Variants in MYADML2 observed in about 807,000 individuals in gnomAD.
MYADML2 encodes the protein myeloid-associated differentiation marker-like protein 2.
In MYADML2, 17 loss-of-function variants were observed where a neutral mutation model predicts 16.0. That is an observed-to-expected ratio of 1.06 (90% confidence interval 0.73 to 1.60). MYADML2 has a LOEUF of 1.60. Ranked by LOEUF, MYADML2 falls within the 40% of genes most tolerant of loss-of-function variation. The pLI, the probability that MYADML2 is intolerant of heterozygous loss-of-function variation, is 0.00. For synonymous variants in MYADML2, 210 were observed against 208.1 expected (o/e 1.01, Z -0.08); for missense variants, 422 against 437.7 (o/e 0.96, Z 0.32).
At chr17:81,941,912 C>A in intron 2 of MYADML2, 69 bp from the exon 3 acceptor site, 1 of 621,226 alleles carries the variant, frequency 1.6e-6, no homozygotes, top group Non-Finnish European at 2.7e-6. Context: ...GAGGCGGCTC[C>A]CCCCAGCGCT....
At position 81,941,760 on chromosome 17, in the gene MYADML2, A is replaced by G; in HGVS notation, c.-19T>C. 3 of 1,486,822 alleles carry G rather than the reference A, an allele frequency of 2.0e-6. No individual in the cohort carries two copies. In the East Asian group the frequency reaches 7.5e-5, roughly 37 times the overall value. 92.1% of individuals were successfully genotyped at this position (1,486,822 alleles called of 1,614,324 possible). ...TGCCCATCTGGCCAGCCACGTTTCC[A>G]GCTCACACAGTCCCCCAAGGCCCTG... On this transcript the variant is annotated 5_prime_UTR_variant, in exon 3 of 3. Coordinates refer to ENST00000409745, the MANE Select transcript of MYADML2 (RefSeq NM_001145113.3).
Position 81,941,380 on chromosome 17 carries a change from C to A in MYADML2, c.362G>T (p.Gly121Val). The A allele has an allele frequency of 6.5e-7, 1 of 1,548,738 alleles. No individual in the cohort carries two copies. The highest frequency in any genetic ancestry group is 8.7e-7 in the Non-Finnish European group (1 of 1,146,220). The stretch of plus-strand genomic sequence containing the variant: ...CAGGCGGAAGTCCCTGGCAGCACAG[C>A]CGGCGGGCTCGGGGGAACACTCCCG... ...ARRECSPEPA[G>V]CAARDFRLAA... is the part of the protein sequence containing the mutation. Residue 121 changes from glycine (G) to valine (V), a missense_variant, in exon 3 of 3, where the codon GGC becomes GTC. Coordinates refer to ENST00000409745, the MANE Select transcript of MYADML2 (RefSeq NM_001145113.3).
In MYADML2 at chr17:81,940,644, C is replaced by T. The variant is rs938076479; in HGVS notation, c.*174G>A. 2.7e-5 allele frequency: 19 copies of T among 698,912 alleles called. No individual in the cohort carries two copies. Among genetic ancestry groups the T allele is most frequent in the Non-Finnish European group, 4.0e-5 (17 of 429,700 alleles). 43.3% of individuals were successfully genotyped at this position (698,912 alleles called of 1,614,324 possible). ...CTCTGCCCTACTGTCCTGCCCTTGTCCCTCTGAGCCCAGTCTGGAAGTCGG... is the reference window on the plus strand; with the variant it reads ...CTCTGCCCTACTGTCCTGCCCTTGTTCCTCTGAGCCCAGTCTGGAAGTCGG... On this transcript the variant is annotated 3_prime_UTR_variant, in exon 3 of 3. Coordinates refer to ENST00000409745, the MANE Select transcript of MYADML2 (RefSeq NM_001145113.3).
chr17:81,945,403 G>T (rs1040957959), intron 1 of MYADML2, among the ~76,000 whole-genome samples: 2 of 152,066 alleles, frequency 1.3e-5, no homozygotes, highest in Non-Finnish European at 2.9e-5. Flanking sequence ...TCCAGGCGTG[G>T]TGATGGGCGC....
At chr17:81,946,459 C>A (rs559166444) in intron 1 of MYADML2, among the ~76,000 whole-genome samples, 4 of 151,332 alleles carry the variant, frequency 2.6e-5, no homozygotes, top group Admixed American at 1.3e-4. Flanking sequence ...CCATCCTGGC[C>A]AACGTGGTGA....
intron 1 of MYADML2, among the ~76,000 whole-genome samples, chr17:81,944,552 C>G (rs1010137690): frequency 6.6e-6 from 1 of 152,088 alleles, no homozygotes; most frequent in African/African-American, 2.4e-5. Flanking sequence ...CTCCTAAAAC[C>G]TTTATAATCT....
rs2143917364 is a variant in MYADML2 at position 81,940,453 on chromosome 17, C to T, written c.*365G>A. Reference sequence around the variant, plus strand: ...TGGGTGCCTCGCAAATGCTTCTAGCCTCCATGTCCCCAGCTGCAAAATGGG... The same window carrying T: ...TGGGTGCCTCGCAAATGCTTCTAGCTTCCATGTCCCCAGCTGCAAAATGGG... On this transcript the variant is annotated 3_prime_UTR_variant, in exon 3 of 3. Coordinates refer to ENST00000409745, the MANE Select transcript of MYADML2 (RefSeq NM_001145113.3). 4.6e-6 allele frequency: 1 copy of T among 217,348 alleles called. No homozygotes were observed. The highest frequency in any genetic ancestry group is 9.6e-5 in the East Asian group (1 of 10,436). 13.5% of individuals were successfully genotyped at this position (217,348 alleles called of 1,614,324 possible). A position where few individuals can be genotyped will look rare whatever the true frequency, so the allele number is the denominator to read the frequency against.
Position 81,941,144 on chromosome 17 carries a change from CGGCCACGCACCACTGGGT to C in MYADML2, c.580_597del (p.Thr194_Ala199del). On this transcript the variant is annotated inframe_deletion, in exon 3 of 3. Coordinates refer to ENST00000409745, the MANE Select transcript of MYADML2 (RefSeq NM_001145113.3). The stretch of plus-strand genomic sequence containing the variant: ...GTGGCCAGGAAGCACAGGCTGTAGA[CGGCCACGCACCACTGGGT>C]GGCCACGTAGCGCCCGTAGCGGCTG... 1 of 1,550,230 alleles carries C rather than the reference CGGCCACGCACCACTGGGT, an allele frequency of 6.5e-7. No homozygotes were observed. Among genetic ancestry groups the C allele is most frequent in the Non-Finnish European group, 8.7e-7 (1 of 1,146,944 alleles).
chr17:81,941,086 T>G lies in MYADML2; in HGVS notation c.656A>C (p.His219Pro). The change falls in exon 3 of 3, where the codon CAC becomes CCC. Residue 219 changes from histidine to proline, a missense_variant. By Grantham distance (77) the His-to-Pro change is moderately conservative. Transcript: ENST00000409745. Reference sequence around the variant, plus strand: ...AAAGGGGCAGCCCAGGCCCCCTGTGTGGCCCATCACACTCAGGGCCACCAC... The same window carrying G: ...AAAGGGGCAGCCCAGGCCCCCTGTGGGGCCCATCACACTCAGGGCCACCAC... ...VAVVALSVMGHTGGLGCPFDR... is the reference protein window; with the variant it reads ...VAVVALSVMGPTGGLGCPFDR... 1 of 1,550,328 alleles carries G rather than the reference T, an allele frequency of 6.5e-7. No homozygotes were observed. The highest frequency in any genetic ancestry group is 8.7e-7 in the Non-Finnish European group (1 of 1,146,964).
chr17:81,946,647 CAAAA>C (rs1728861514), intron 1 of MYADML2, among the ~76,000 whole-genome samples: 3 of 151,672 alleles, frequency 2.0e-5, no homozygotes, highest in African/African-American at 7.3e-5. Context: ...GACTCCGTCT[CAAAA>C]GAAAATACAA....
At chr17:81,945,239 T>TA (rs112063876) in intron 1 of MYADML2, among the ~76,000 whole-genome samples, 130 of 142,226 alleles carry the variant, frequency 9.1e-4, no homozygotes, top group Middle Eastern at 7.0e-3. Context: ...TGTCTATATT[T>TA]AAAAAAAAAA....
In MYADML2 at chr17:81,941,309, C is replaced by T; in HGVS notation, c.433G>A (p.Glu145Lys). 6.5e-7 allele frequency: 1 copy of T among 1,549,908 alleles called. No homozygotes were observed. Among genetic ancestry groups the T allele is most frequent in the East Asian group, 2.4e-5 (1 of 40,894 alleles). ...AGLLFLAYAV[E>K]VALTRARPGQ... The stretch of plus-strand genomic sequence containing the variant: ...GGCCGGGCCCGCGTCAGGGCCACCT[C>T]CACAGCGTAGGCCAGGAAGAGGAGC... The change falls in exon 3 of 3, where the codon GAG becomes AAG. Residue 145 changes from glutamate to lysine, a missense_variant. Physicochemically the swap from Glu to Lys is moderately conservative, Grantham distance 56 (BLOSUM62 1). Transcript: ENST00000409745.
chr17:81,943,625 G>A (rs938904973), intron 1 of MYADML2, among the ~76,000 whole-genome samples: 2 of 149,510 alleles, frequency 1.3e-5, no homozygotes, highest in East Asian at 2.0e-4. Context: ...GGATGGTCTC[G>A]ATCTCCTGAC....
chr17:81,946,321 C>T lies in MYADML2; in HGVS notation c.-181+738G>A, dbSNP rs150774149. Among the ~76,000 whole-genome samples, 250 of 151,926 alleles carry T rather than the reference C, an allele frequency of 1.6e-3. 1 individual carries two copies. Among genetic ancestry groups the T allele is most frequent in the African/African-American group, 5.6e-3 (232 of 41,336 alleles). Reference sequence around the variant, plus strand: ...AGTCAGCCGAGATCGTGCCACTGCACTGTAGCCTGGCGACAGAGCAAGACT... The same window carrying T: ...AGTCAGCCGAGATCGTGCCACTGCATTGTAGCCTGGCGACAGAGCAAGACT... On this transcript the variant is annotated intron_variant, in intron 1 of 2. Transcript: ENST00000409745.
chr17:81,940,891 G>A lies in MYADML2; in HGVS notation c.851C>T (p.Thr284Ile), dbSNP rs1488132187. 1.9e-6 allele frequency: 3 copies of A among 1,547,232 alleles called. No homozygotes were observed. The highest frequency in any genetic ancestry group is 2.7e-5 in the African/African-American group (2 of 72,994). ...WDSQLVVAIFTYVNLLLYVVD... is the reference protein window; with the variant it reads ...WDSQLVVAIFIYVNLLLYVVD... ...GACGTACAGGAGCAGGTTGACGTAG[G>A]TGAAGATGGCCACCACCAGCTGGCT... The change falls in exon 3 of 3, where the codon ACC (threonine) becomes ATC (isoleucine). Residue 284 changes from threonine to isoleucine, a missense_variant. By Grantham distance (89) the Thr-to-Ile change is moderately conservative. Transcript: ENST00000409745.
Position 81,943,464 on chromosome 17 carries a change from C to T in MYADML2, c.-180-1091G>A, listed in dbSNP as rs2041321359. On this transcript the variant is annotated intron_variant, in intron 1 of 2. Transcript: ENST00000409745. ...TGTTGCCCAGGTTGGAGTGCAATGG[C>T]GCAATCTCGGCTCACTGCAAGCTCT... 2.7e-5 allele frequency among the ~76,000 whole-genome samples: 4 copies of T among 147,374 alleles called. No homozygotes were observed. In the South Asian group the frequency reaches 6.5e-4, roughly 24 times the overall value.
intron 1 of MYADML2, among the ~76,000 whole-genome samples, chr17:81,944,647 C>T (rs1263061832): frequency 6.6e-6 from 1 of 152,040 alleles, no homozygotes; most frequent in African/African-American, 2.4e-5. Flanking sequence ...TCTAATGAGG[C>T]GACTCCTGGT....
rs772505545 is a variant in MYADML2 at position 81,940,857 on chromosome 17, G to A, written c.885C>T (p.Leu295=). The part of the protein sequence containing the change: ...YVNLLLYVVD[L]AYSQRIRFVP... ...CGAAGCGAATCCTCTGGGAGTAGGC[G>A]AGGTCAACGACGTACAGGAGCAGGT... The change falls in exon 3 of 3, where the codon CTC becomes CTT. Residue 295 remains leucine (L), a synonymous_variant. Coordinates refer to ENST00000409745, the MANE Select transcript of MYADML2 (RefSeq NM_001145113.3). 55 of 1,528,768 alleles carry A rather than the reference G, an allele frequency of 3.6e-5. No individual in the cohort carries two copies. The highest frequency in any genetic ancestry group is 1.9e-4 in the African/African-American group (14 of 72,718). The allele number at this position is 1,528,768 out of a possible 1,614,324, so 94.7% of individuals were successfully genotyped here.
chr17:81,940,897 A>G lies in MYADML2; in HGVS notation c.845T>C (p.Ile282Thr). The change falls in exon 3 of 3, where the codon ATC (isoleucine) becomes ACC (threonine). Residue 282 changes from isoleucine to threonine, a missense_variant. Ile to Thr is a moderately conservative substitution (Grantham distance 89). Coordinates refer to ENST00000409745, the MANE Select transcript of MYADML2 (RefSeq NM_001145113.3). Reference protein sequence around the residue: ...CPWDSQLVVAIFTYVNLLLYV... With the variant: ...CPWDSQLVVATFTYVNLLLYV... ...CAGGAGCAGGTTGACGTAGGTGAAGATGGCCACCACCAGCTGGCTGTCCCA... is the reference window on the plus strand; with the variant it reads ...CAGGAGCAGGTTGACGTAGGTGAAGGTGGCCACCACCAGCTGGCTGTCCCA... 1 of 1,547,496 alleles carries G rather than the reference A, an allele frequency of 6.5e-7. No homozygotes were observed. Among genetic ancestry groups the G allele is most frequent in the Non-Finnish European group, 8.7e-7 (1 of 1,144,494 alleles).
Sources: allele counts gnomAD v4.1 joint callset (sites outside exome capture counted in the v4.1 genomes callset), GRCh38; gene constraint gnomAD v4.1.1; transcripts MANE v1.5; gene names NCBI Gene and HGNC (gene_info 2026-07-23, HGNC 2026-07-21).